Variants in NCAPD3 observed in about 807,000 individuals in gnomAD.
NCAPD3 encodes non-SMC condensin II complex subunit D3, also known as condensin-2 complex subunit D3.
A neutral mutation model predicts 182.9 loss-of-function variants in NCAPD3; 105 were observed. The observed-to-expected ratio is 0.57, with a 90% CI of 0.49 to 0.68. The LOEUF is 0.68. Ranked by LOEUF, NCAPD3 falls within the 30% of genes least tolerant of loss-of-function variation. The pLI is 0.00. For missense variants in NCAPD3, 1,944 were observed against 1,837.0 expected (o/e 1.06, Z -1.07); for synonymous variants, 815 against 679.9 (o/e 1.20, Z -3.09).
At chr11:134,162,221 G>T (rs530111826) in intron 27 of NCAPD3, among the ~76,000 whole-genome samples, 2 of 152,182 alleles carry the variant, frequency 1.3e-5, no homozygotes, top group Non-Finnish European at 2.9e-5. Context: ...CTTGGCTCTT[G>T]CTCCACCTTC....
At chr11:134,217,134 T>C (rs1279923711) in intron 2 of NCAPD3, 36 bp from the exon 3 acceptor site, 5 of 1,517,958 alleles carry the variant, frequency 3.3e-6, no homozygotes, top group Admixed American at 2.2e-5. Flanking sequence ...AGCCAGTCAT[T>C]AGAGAAATGG....
intron 24 of NCAPD3, among the ~76,000 whole-genome samples, chr11:134,174,209 G>GT (rs1238210040): frequency 6.6e-6 from 1 of 151,170 alleles, no homozygotes; most frequent in Admixed American, 6.6e-5. Flanking sequence ...TGGCAAAAAC[G>GT]TGTCTCTACA....
In NCAPD3 at chr11:134,221,531, C is replaced by A. The variant is rs752109948; in HGVS notation, c.65-805G>T. Among the ~76,000 whole-genome samples the A allele has an allele frequency of 8.6e-4, 131 of 152,170 alleles. 3 individuals carry two copies. The highest frequency in any genetic ancestry group is 7.8e-4 in the Non-Finnish European group (53 of 68,026). On this transcript the variant is annotated intron_variant, in intron 1 of 34. Transcript: ENST00000534548. Reference sequence around the variant, plus strand: ...TAATGGTATCCCTCCCCTATCCCTCCATCCCCCCTTCCCATTCTTTTCTAA... The same window carrying A: ...TAATGGTATCCCTCCCCTATCCCTCAATCCCCCCTTCCCATTCTTTTCTAA...
At chr11:134,162,840 C>G (rs556248318) in intron 27 of NCAPD3, among the ~76,000 whole-genome samples, 1 of 152,164 alleles carries the variant, frequency 6.6e-6, no homozygotes, top group Non-Finnish European at 1.5e-5. Flanking sequence ...CCAGCCACTT[C>G]TAGAAAGTGT....
At chr11:134,164,865 G>A (rs527561683) in intron 27 of NCAPD3, among the ~76,000 whole-genome samples, 2 of 150,790 alleles carry the variant, frequency 1.3e-5, no homozygotes, top group South Asian at 2.1e-4. Context: ...TGAGCTTGAG[G>A]GAGCTACATA....
chr11:134,223,379 C>T (rs1938313315), intron 1 of NCAPD3: 1 of 701,552 alleles, frequency 1.4e-6, no homozygotes, highest in Non-Finnish European at 2.6e-6. Context: ...AATGCCATGA[C>T]TCCTGGGTTG....
chr11:134,209,511 T>C (rs771395956), intron 4 of NCAPD3, 34 bp from the exon 5 acceptor site: 24 of 1,572,178 alleles, frequency 1.5e-5, no homozygotes, highest in Non-Finnish European at 2.0e-5. Context: ...GTGACTGTAA[T>C]AAATGCCAAA....
In NCAPD3 at chr11:134,197,873, G is replaced by A. The variant is rs138323630; in HGVS notation, c.1616-3135C>T. ...AAACTCAGCAAGCTTGAAATGGAAG[G>A]AAACTTCCTCATATTGATGAAAGTC... On this transcript the variant is annotated intron_variant, in intron 13 of 34. Transcript: ENST00000534548. Among the ~76,000 whole-genome samples the A allele has an allele frequency of 4.2e-3, 637 of 152,264 alleles. 4 individuals are homozygous for A. Among genetic ancestry groups the A allele is most frequent in the African/African-American group, 0.015 (609 of 41,542 alleles).
chr11:134,156,080 C>A (rs547513750), intron 32 of NCAPD3, among the ~76,000 whole-genome samples: 1 of 152,200 alleles, frequency 6.6e-6, no homozygotes, highest in Non-Finnish European at 1.5e-5. Context: ...CACCTTAGCA[C>A]GCTCTCATCT....
intron 14 of NCAPD3, 126 bp from the exon 15 acceptor site, chr11:134,194,276 C>T: frequency 1.0e-6 from 1 of 968,618 alleles, no homozygotes. Context: ...TGGATCCAAC[C>T]TTCCTCCTCA....
At chr11:134,221,813 GTCA>G (rs1938239560) in intron 1 of NCAPD3, among the ~76,000 whole-genome samples, 14 of 152,172 alleles carry the variant, frequency 9.2e-5, no homozygotes, top group Admixed American at 8.5e-4. Context: ...ATACAATCTG[GTCA>G]TCATCTTTTG....
chr11:134,157,166 G>A, intron 31 of NCAPD3, 71 bp from the exon 32 acceptor site: 1 of 1,228,940 alleles, frequency 8.1e-7, no homozygotes, highest in South Asian at 1.4e-5. Flanking sequence ...AACCACATGA[G>A]AAAACATATC....
At chr11:134,192,932 A>AT in intron 15 of NCAPD3, 23 bp from the exon 16 acceptor site, 2 of 1,381,594 alleles carry the variant, frequency 1.4e-6, no homozygotes, top group South Asian at 2.3e-5. Context: ...AGATTATGAC[A>AT]TGAGAAGGTC....
In NCAPD3 at chr11:134,178,763, T is replaced by C. The variant is rs750653272; in HGVS notation, c.2675-22A>G. 3.7e-6 allele frequency: 6 copies of C among 1,608,408 alleles called. No individual in the cohort carries two copies. In the East Asian group the frequency reaches 8.9e-5, roughly 24 times the overall value. ...GGTGCTGCAAAGAAGGGAGAGAAAG[T>C]TACCGACAGAACCTTGAAACGGCAT... On this transcript the variant is annotated intron_variant, in intron 21 of 34. Transcript: ENST00000534548.
intron 27 of NCAPD3, among the ~76,000 whole-genome samples, chr11:134,167,694 ACACT>A (rs1445707801): frequency 5.5e-5 from 7 of 128,364 alleles, no homozygotes; most frequent in Middle Eastern, 5.3e-3. Context: ...GGGGAGGGGC[ACACT>A]CACTAGTGAG....
chr11:134,204,314 G>T lies in NCAPD3; in HGVS notation c.1090-143C>A. The T allele has an allele frequency of 1.1e-6, 1 of 896,686 alleles. No homozygotes were observed. Among genetic ancestry groups the T allele is most frequent in the Non-Finnish European group, 1.6e-6 (1 of 617,700 alleles). The allele number at this position is 896,686 out of a possible 1,614,324, so 55.5% of individuals were successfully genotyped here. On this transcript the variant is annotated intron_variant, in intron 9 of 34. Transcript: ENST00000534548. The surrounding 1 kb of genome is among the most constrained non-coding windows in gnomAD (Gnocchi z 4.3). ...TACGTAAATGACTAATAAATTTTAG[G>T]TTTTAGAACACTTCAAAACTAATCT...
At chr11:134,224,974 A>G (rs1207452410), upstream of NCAPD3, 2 of 557,926 alleles carry the variant, frequency 3.6e-6, no homozygotes, top group Admixed American at 4.9e-5. Context: ...GTCGGCGCCC[A>G]CTGCCCGGCG....
chr11:134,168,068 G>C lies in NCAPD3; in HGVS notation c.3501C>G (p.Leu1167=). The C allele has an allele frequency of 9.3e-6, 15 of 1,614,158 alleles. No individual in the cohort carries two copies. The highest frequency in any genetic ancestry group is 1.3e-5 in the Non-Finnish European group (15 of 1,180,000). Residue 1167 remains leucine (L), a synonymous_variant, in exon 27 of 35, where the codon CTC becomes CTG. Coordinates refer to ENST00000534548, the MANE Select transcript of NCAPD3 (RefSeq NM_015261.3). ...LAMRSKPDKD[L]LMEEDDMALA... is the part of the protein sequence containing the mutation. ...AGGCCATGTCATCTTCTTCCATAAG[G>C]AGGTCTTTGTCTGGTTTAGATCTCA...
At chr11:134,153,445 C>A in intron 32 of NCAPD3, 82 bp from the exon 33 acceptor site, 1 of 1,398,164 alleles carries the variant, frequency 7.2e-7, no homozygotes, top group Non-Finnish European at 1.0e-6. Flanking sequence ...GGGACGTAGG[C>A]AGGGTGTCCA....
Sources: allele counts gnomAD v4.1 joint callset (sites outside exome capture counted in the v4.1 genomes callset), GRCh38; gene constraint gnomAD v4.1.1; non-coding constraint Gnocchi (gnomAD v3.1); transcripts MANE v1.5; gene names NCBI Gene and HGNC (gene_info 2026-07-23, HGNC 2026-07-21).